Variants in FRY observed in about 807,000 individuals in gnomAD.
The protein encoded by FRY is FRY microtubule binding protein.
FRY carries 128 observed loss-of-function variants against 348.4 expected under a neutral mutation model. The ratio of observed to expected loss-of-function variants is 0.37; its 90% CI spans 0.32 to 0.43. The LOEUF (loss-of-function observed/expected upper bound fraction) is 0.43. Ranked by LOEUF, FRY falls within the 20% of genes least tolerant of loss-of-function variation. The pLI is 1.00. For missense variants in FRY, 2,736 were observed against 3,695.2 expected (o/e 0.74, Z 6.73); for synonymous variants, 1,370 against 1,374.7 (o/e 1.00, Z 0.08).
chr13:32,218,883 A>C (rs764722750), intron 36 of FRY, 52 bp downstream of exon 36: 5 of 988,388 alleles, frequency 5.1e-6, no homozygotes, highest in Non-Finnish European at 6.5e-6. Context: ...TGGTCAGAGG[A>C]TGGAAAATGA....
At chr13:32,285,286 C>A (rs114827) in intron 58 of FRY, among the ~76,000 whole-genome samples, 1 of 151,918 alleles carries the variant, frequency 6.6e-6, no homozygotes, top group Non-Finnish European at 1.5e-5. Context: ...ATAAAATGGC[C>A]CCCCAGAAAG....
At chr13:32,216,775 G>A (rs1159635221) in intron 35 of FRY, among the ~76,000 whole-genome samples, 2 of 152,154 alleles carry the variant, frequency 1.3e-5, no homozygotes, top group Admixed American at 1.3e-4. Flanking sequence ...GATTTAGTTG[G>A]CCGATTTGTA....
chr13:32,161,334 A>G, intron 17 of FRY, 83 bp downstream of exon 17: 1 of 908,426 alleles, frequency 1.1e-6, no homozygotes, highest in Admixed American at 1.7e-5. Context: ...GTAGTTTACA[A>G]TTAACAAATA....
chr13:32,101,812 A>C (rs1214038844), intron 2 of FRY, 151 bp from the exon 3 acceptor site: 1 of 605,204 alleles, frequency 1.7e-6, no homozygotes, highest in African/African-American at 1.9e-5. Context: ...ACAATACCTA[A>C]GGGAGAATAC....
chr13:32,092,206 A>C (rs1324627770), intron 2 of FRY, among the ~76,000 whole-genome samples: 4 of 152,242 alleles, frequency 2.6e-5, no homozygotes, highest in Admixed American at 2.0e-4. Context: ...GTGAAATCTT[A>C]CCTGTGTGGA....
chr13:32,294,026 G>A (rs933022635), intron 59 of FRY, among the ~76,000 whole-genome samples: 2 of 152,078 alleles, frequency 1.3e-5, no homozygotes, highest in African/African-American at 4.8e-5. Flanking sequence ...CTGCAGAGCC[G>A]GCATTTGAAC....
intron 15 of FRY, among the ~76,000 whole-genome samples, chr13:32,156,439 TA>T (rs1406587874): frequency 2.0e-5 from 3 of 152,052 alleles, no homozygotes; most frequent in Admixed American, 2.0e-4. Context: ...CTGTCTCTAC[TA>T]AAAATACAAA....
At chr13:32,194,404 T>C in intron 29 of FRY, 107 bp downstream of exon 29, 1 of 971,160 alleles carries the variant, frequency 1.0e-6, no homozygotes, top group Non-Finnish European at 1.6e-6. Context: ...AAGTAAGTTC[T>C]ATGAGAATAT....
chr13:32,044,969 A>G (rs892677684), intron 1 of FRY, among the ~76,000 whole-genome samples: 1 of 152,186 alleles, frequency 6.6e-6, no homozygotes, highest in African/African-American at 2.4e-5. Flanking sequence ...CCAGTAATCA[A>G]TCCCATGCAA....
intron 46 of FRY, among the ~76,000 whole-genome samples, chr13:32,240,531 C>T (rs557141695): frequency 5.9e-5 from 9 of 152,296 alleles, no homozygotes; most frequent in African/African-American, 1.7e-4. Context: ...ATCATACCAA[C>T]GTGTTTCTAG....
At chr13:32,182,904 G>C in intron 23 of FRY, 73 bp from the exon 24 acceptor site, 1 of 895,468 alleles carries the variant, frequency 1.1e-6, no homozygotes, top group Non-Finnish European at 1.9e-6. Flanking sequence ...GGGATTAAAT[G>C]GATATAGAGT....
At chr13:32,104,004 T>G (rs1277186709) in intron 3 of FRY, among the ~76,000 whole-genome samples, 1 of 152,172 alleles carries the variant, frequency 6.6e-6, no homozygotes, top group African/African-American at 2.4e-5. Context: ...TTTTATTAGC[T>G]TTCCACTCTA....
intron 55 of FRY, among the ~76,000 whole-genome samples, chr13:32,272,179 G>T (rs996841408): frequency 2.6e-5 from 4 of 152,194 alleles, no homozygotes; most frequent in Non-Finnish European, 4.4e-5. Context: ...CCTGCTTTCT[G>T]CCTGTTATGA....
intron 1 of FRY, among the ~76,000 whole-genome samples, chr13:32,069,916 G>A (rs896369174): frequency 2.8e-5 from 4 of 141,600 alleles, no homozygotes; most frequent in Admixed American, 7.5e-5. Flanking sequence ...CCCTGTGTCC[G>A]TGTGTTCTCA....
At chr13:32,178,672 A>T (rs559292158) in intron 21 of FRY, among the ~76,000 whole-genome samples, 172 bp from the exon 22 acceptor site, 12 of 152,330 alleles carry the variant, frequency 7.9e-5, no homozygotes, top group African/African-American at 2.6e-4. Flanking sequence ...GGTAAAAGAT[A>T]CTTTAAAGTT....
rs1229987909 is a variant in FRY at position 32,267,326 on chromosome 13, G to A, written c.8103G>A (p.Val2701=). Residue 2701 remains valine (V), a synonymous_variant, in exon 55 of 61, where the codon GTG becomes GTA. Coordinates refer to ENST00000542859, the MANE Select transcript of FRY (RefSeq NM_023037.3). ...LMCDSDGSCA[V]YTFHVFSSLF... is the part of the protein sequence containing the mutation. ...GTGACTCAGATGGCTCCTGTGCTGT[G>A]TATACATTTCATGTGTTCTCCTCCT... The A allele has an allele frequency of 1.9e-6, 3 of 1,614,146 alleles. No individual in the cohort carries two copies. Among genetic ancestry groups the A allele is most frequent in the Non-Finnish European group, 2.5e-6 (3 of 1,180,018 alleles).
intron 42 of FRY, among the ~76,000 whole-genome samples, chr13:32,235,373 T>C (rs1222727184): frequency 6.6e-6 from 1 of 152,176 alleles, no homozygotes; most frequent in Non-Finnish European, 1.5e-5. Flanking sequence ...CCTATAATCC[T>C]AGCACTTTGA....
rs1218543700 is a variant in FRY, at chr13:32,183,037, A to G, written c.3054+3A>G. 2 of 1,573,428 alleles carry G rather than the reference A, an allele frequency of 1.3e-6. No individual in the cohort carries two copies. ...AAGCTCTGGAAAGAAGACCAGAGGT[A>G]AGAATTTGAATTTAAAAAATTAAGG... On this transcript the variant is annotated splice_donor_region_variant and intron_variant, in intron 24 of 60. Transcript: ENST00000542859.
intron 1 of FRY, among the ~76,000 whole-genome samples, chr13:32,036,605 G>T (rs77129450): frequency 0.039 from 5,979 of 152,130 alleles, 387 homozygotes; most frequent in African/African-American, 0.14. Flanking sequence ...GTGACACTTT[G>T]GAGAGTGAAA....
Sources: allele counts gnomAD v4.1 joint callset (sites outside exome capture counted in the v4.1 genomes callset), GRCh38; gene constraint gnomAD v4.1.1; transcripts MANE v1.5; gene names NCBI Gene and HGNC (gene_info 2026-07-23, HGNC 2026-07-21).